The following RHBDD1 variants were observed in gnomAD, a reference collection of about 807,000 sequenced individuals.
RHBDD1 encodes the protein rhomboid domain containing 1, also known as rhomboid-related protein 4.
RHBDD1 carries 38 observed loss-of-function variants against 36.3 expected under a neutral mutation model. The ratio of observed to expected loss-of-function variants is 1.05; its 90% CI spans 0.81 to 1.37. The LOEUF (loss-of-function observed/expected upper bound fraction) is 1.37, where lower values mean the gene tolerates loss of function less well. Ranked by LOEUF, RHBDD1 falls within the 40% of genes most tolerant of loss-of-function variation. The pLI, the probability that RHBDD1 is intolerant of heterozygous loss-of-function variation, is 0.00. For synonymous variants in RHBDD1, 151 were observed against 136.5 expected (o/e 1.11, Z -0.74); for missense variants, 393 against 377.6 (o/e 1.04, Z -0.34).
At chr2:226,829,757 A>G in the RHBDD1 span, among the ~76,000 whole-genome samples, 1 of 152,104 alleles carries the variant, frequency 6.6e-6, no homozygotes, top group Non-Finnish European at 1.5e-5. Context: ...GTGTGTATGT[A>G]TGTGTGTATT....
At chr2:226,865,212 A>G (rs1221218987) in intron 4 of RHBDD1, 86 bp downstream of exon 4, 39 of 1,063,892 alleles carry the variant, frequency 3.7e-5, no homozygotes, top group South Asian at 4.6e-5. Context: ...GTGGGTCCCT[A>G]TCAAATTCTG....
At chr2:226,885,810 G>A (rs1448298662) in intron 5 of RHBDD1, among the ~76,000 whole-genome samples, 1 of 152,152 alleles carries the variant, frequency 6.6e-6, no homozygotes. Context: ...AGATACTGTT[G>A]AAGACTCCCA....
intron 8 of RHBDD1, among the ~76,000 whole-genome samples, chr2:226,957,082 C>A (rs1343179106): frequency 4.6e-5 from 7 of 152,196 alleles, no homozygotes; most frequent in African/African-American, 1.7e-4. Flanking sequence ...ATTCTATATT[C>A]ATTTTAGTGA....
At chr2:226,835,452 G>A (rs1301318542), upstream of RHBDD1, 1 of 152,254 alleles carries the variant, frequency 6.6e-6, no homozygotes, top group Non-Finnish European at 1.5e-5. Context: ...GTGCACCCGC[G>A]ACCTTGCCTT....
At chr2:226,875,588 GA>G (rs1199864964) in intron 5 of RHBDD1, among the ~76,000 whole-genome samples, 4 of 152,130 alleles carry the variant, frequency 2.6e-5, no homozygotes, top group Non-Finnish European at 5.9e-5. Flanking sequence ...TAGAGGAACA[GA>G]AAAGGAAAGT....
chr2:226,970,397 T>A (rs968287845), intron 8 of RHBDD1, among the ~76,000 whole-genome samples: 1 of 152,074 alleles, frequency 6.6e-6, no homozygotes. Flanking sequence ...TAAGCTTTTT[T>A]CCCCCCTTTT....
At chr2:226,825,831 C>T in the RHBDD1 span, among the ~76,000 whole-genome samples, 1 of 152,232 alleles carries the variant, frequency 6.6e-6, no homozygotes, top group Non-Finnish European at 1.5e-5. Flanking sequence ...CTTTCTGACG[C>T]TCTGTCTCCT....
upstream of RHBDD1, among the ~76,000 whole-genome samples, chr2:226,832,171 G>C (rs932380600): frequency 3.3e-5 from 5 of 152,074 alleles, no homozygotes; most frequent in Non-Finnish European, 7.4e-5. Context: ...TGTTTTAGCT[G>C]CAGTGCATGA....
At chr2:226,835,215 G>A (rs377299148), upstream of RHBDD1, among the ~76,000 whole-genome samples, 3 of 152,318 alleles carry the variant, frequency 2.0e-5, no homozygotes, top group East Asian at 5.8e-4. Context: ...CCGGCTGTAA[G>A]ATAGTTTTTT....
intron 4 of RHBDD1, among the ~76,000 whole-genome samples, chr2:226,866,375 T>G (rs893675687): frequency 6.6e-6 from 1 of 152,108 alleles, no homozygotes; most frequent in African/African-American, 2.4e-5. Flanking sequence ...CGGCCTTGAT[T>G]TTATTTTACT....
intron 8 of RHBDD1, among the ~76,000 whole-genome samples, chr2:226,984,135 C>G (rs1005999602): frequency 4.6e-5 from 7 of 152,238 alleles, no homozygotes; most frequent in Admixed American, 3.9e-4. Flanking sequence ...GTTCACCGCT[C>G]TGATCACTGG....
At chr2:226,943,873 A>G (rs1281865497) in intron 8 of RHBDD1, among the ~76,000 whole-genome samples, 1 of 152,124 alleles carries the variant, frequency 6.6e-6, no homozygotes, top group Non-Finnish European at 1.5e-5. Flanking sequence ...GCTCATTGTT[A>G]TTTTAAAGTT....
At chr2:226,882,078 G>A (rs1574938750) in intron 5 of RHBDD1, among the ~76,000 whole-genome samples, 1 of 152,148 alleles carries the variant, frequency 6.6e-6, no homozygotes, top group Non-Finnish European at 1.5e-5. Flanking sequence ...GGCATTAATG[G>A]ATACAGATTT....
intron 8 of RHBDD1, among the ~76,000 whole-genome samples, chr2:226,920,688 T>A (rs2125764118): frequency 6.6e-6 from 1 of 152,286 alleles, no homozygotes; most frequent in South Asian, 2.1e-4. Flanking sequence ...CATTGATTGA[T>A]CTGCTTATGT....
chr2:226,920,895 C>T (rs756434711), intron 8 of RHBDD1, among the ~76,000 whole-genome samples: 13 of 152,078 alleles, frequency 8.5e-5, no homozygotes, highest in Non-Finnish European at 1.9e-4. Flanking sequence ...GAAGTATTCC[C>T]TCTGCCTCTG....
Position 226,865,126 on chromosome 2 carries a change from GGT to G in RHBDD1, c.433+1_433+2del. On this transcript the variant is annotated splice_donor_variant, in intron 4 of 8. Coordinates refer to ENST00000392062, the MANE Select transcript of RHBDD1 (RefSeq NM_001167608.3). LOFTEE classifies it high-confidence loss of function. Reference sequence around the variant, plus strand: ...AAGGAGCTGTGCTGTAGGTTTCTCAGGTAAGGGAGACAAAATTTTGAGGTTGC... The same window carrying G: ...AAGGAGCTGTGCTGTAGGTTTCTCAGAAGGGAGACAAAATTTTGAGGTTGC... 6.3e-7 allele frequency: 1 copy of G among 1,593,008 alleles called. No homozygotes were observed. Among genetic ancestry groups the G allele is most frequent in the Non-Finnish European group, 8.5e-7 (1 of 1,171,772 alleles).
chr2:226,810,499 C>T, the RHBDD1 span, among the ~76,000 whole-genome samples: 4 of 137,970 alleles, frequency 2.9e-5, no homozygotes, highest in Non-Finnish European at 6.0e-5. Context: ...CGAGATCACA[C>T]CACTTCACTC....
chr2:226,868,006 C>T (rs796142689), intron 5 of RHBDD1, among the ~76,000 whole-genome samples: 7 of 152,272 alleles, frequency 4.6e-5, no homozygotes, highest in African/African-American at 7.2e-5. Context: ...CATGAGCCAC[C>T]GCACCCGGCC....
chr2:226,966,648 A>G (rs1952653423), intron 8 of RHBDD1, among the ~76,000 whole-genome samples: 1 of 152,204 alleles, frequency 6.6e-6, no homozygotes, highest in Non-Finnish European at 1.5e-5. Context: ...TTAAATAGCC[A>G]TGTGTGCCTG....
Sources: allele counts gnomAD v4.1 joint callset (sites outside exome capture counted in the v4.1 genomes callset), GRCh38; gene constraint gnomAD v4.1.1; transcripts MANE v1.5; gene names NCBI Gene and HGNC (gene_info 2026-07-23, HGNC 2026-07-21).